The following STOX2 variants were observed in gnomAD, a reference collection of about 807,000 sequenced individuals.
STOX2 encodes the protein storkhead-box protein 2.
Under a neutral mutation model 60.9 loss-of-function variants are expected in STOX2, and 28 were observed. The observed-to-expected ratio is 0.46, with a 90% CI of 0.34 to 0.63. STOX2 has a LOEUF of 0.63. Among genes scored for constraint, STOX2 ranks in the 30% least tolerant of loss-of-function variants. STOX2 has a pLI of 0.01. For synonymous variants in STOX2, 472 were observed against 463.9 expected (o/e 1.02, Z -0.22); for missense variants, 1,024 against 1,187.7 (o/e 0.86, Z 2.03).
chr4:183,809,750 G>A (rs1474186020), intron 1 of STOX2, among the ~76,000 whole-genome samples: 1 of 152,172 alleles, frequency 6.6e-6, no homozygotes, highest in African/African-American at 2.4e-5. Context: ...ACAGAGATTT[G>A]TGTTTTGATT....
rs201999090 is a variant in STOX2 at position 183,847,965 on chromosome 4, AGAG to A, written c.364+49914_364+49916del. Among the ~76,000 whole-genome samples, 817 of 152,248 alleles carry A rather than the reference AGAG, an allele frequency of 5.4e-3. 8 individuals are homozygous for A. The highest frequency in any genetic ancestry group is 0.018 in the African/African-American group (750 of 41,524). Reference sequence around the variant, plus strand: ...TTACCTTTGGTATAAAGAGAACTAGAGAGGAGAGAGGTTGAAGGAGAAGAAATG... The same window carrying A: ...TTACCTTTGGTATAAAGAGAACTAGAGAGAGAGGTTGAAGGAGAAGAAATG... On this transcript the variant is annotated intron_variant, in intron 1 of 2. Transcript: ENST00000513034.
chr4:183,835,879 C>G (rs1211126201), intron 1 of STOX2, among the ~76,000 whole-genome samples: 2 of 152,144 alleles, frequency 1.3e-5, no homozygotes, highest in Admixed American at 1.3e-4. Context: ...TGGGTATACA[C>G]CTAGGAGTGG....
At chr4:183,896,162 T>C (rs1741335180) in intron 1 of STOX2, among the ~76,000 whole-genome samples, 1 of 152,096 alleles carries the variant, frequency 6.6e-6, no homozygotes, top group African/African-American at 2.4e-5. Flanking sequence ...CAGGAGAAAA[T>C]GCGAGAACTT....
intron 1 of STOX2, among the ~76,000 whole-genome samples, chr4:183,993,313 G>A (rs1194121043): frequency 1.3e-5 from 2 of 152,220 alleles, no homozygotes; most frequent in African/African-American, 2.4e-5. Context: ...CAATTAATTC[G>A]TTACTTCACA....
rs1743020975 is a variant in STOX2 at position 183,949,997 on chromosome 4, A to G, written c.166+43041A>G. 2.0e-5 allele frequency among the ~76,000 whole-genome samples: 3 copies of G among 152,204 alleles called. No individual in the cohort carries two copies. In the South Asian group the frequency reaches 6.2e-4, roughly 32 times the overall value. ...CTACTGACAGTTAACACCATGAATT[A>G]AAAGTCATAAAGTTTTCATTTTAGG... On this transcript the variant is annotated intron_variant, in intron 1 of 3. Transcript: ENST00000308497.
At chr4:183,830,390 A>G (rs1489460067) in intron 1 of STOX2, among the ~76,000 whole-genome samples, 7 of 152,172 alleles carry the variant, frequency 4.6e-5, no homozygotes, top group Admixed American at 4.6e-4. Context: ...TATGGGTGTT[A>G]TCTTGTTTTC....
intron 1 of STOX2, among the ~76,000 whole-genome samples, chr4:183,953,110 C>T (rs1743140633): frequency 6.6e-6 from 1 of 151,888 alleles, no homozygotes; most frequent in Non-Finnish European, 1.5e-5. Flanking sequence ...ATGGGTGCAG[C>T]AAACCACCGT....
chr4:183,822,035 T>A (rs1303097957), intron 1 of STOX2, among the ~76,000 whole-genome samples: 1 of 152,358 alleles, frequency 6.6e-6, no homozygotes, highest in Admixed American at 6.5e-5. Context: ...GGATTTGCCC[T>A]CCTGGGCAGG....
chr4:183,998,857 A>C (rs1189697656), intron 1 of STOX2, among the ~76,000 whole-genome samples: 2 of 151,776 alleles, frequency 1.3e-5, no homozygotes, highest in East Asian at 2.0e-4. Flanking sequence ...TAGGTTTTAG[A>C]GTAAGACTTC....
chr4:183,861,496 A>G (rs924711447), intron 1 of STOX2, among the ~76,000 whole-genome samples: 19 of 152,194 alleles, frequency 1.2e-4, no homozygotes, highest in African/African-American at 4.6e-4. Flanking sequence ...TCAAAATACC[A>G]GTTCTGACGT....
chr4:183,894,105 C>G (rs546062223), intron 1 of STOX2, among the ~76,000 whole-genome samples: 90 of 152,344 alleles, frequency 5.9e-4, no homozygotes, highest in Non-Finnish European at 1.1e-3. Context: ...GAGCGGTGAT[C>G]ATGCCACTGC....
intron 1 of STOX2, among the ~76,000 whole-genome samples, chr4:183,913,306 G>GTAA (rs1256058425): frequency 6.6e-6 from 1 of 152,174 alleles, no homozygotes; most frequent in Non-Finnish European, 1.5e-5. Flanking sequence ...TATGGGGTAG[G>GTAA]TAACACATTT....
chr4:183,968,734 A>C lies in STOX2; in HGVS notation c.167-32591A>C, dbSNP rs1743653329. Among the ~76,000 whole-genome samples, 5 of 88,882 alleles carry C rather than the reference A, an allele frequency of 5.6e-5. No homozygotes were observed. The South Asian group carries it at 2.1e-3, about 37-fold the overall frequency. The allele number at this position is 88,882 out of a possible 152,430, so 58.3% of individuals were successfully genotyped here. A position where few individuals can be genotyped will look rare whatever the true frequency, so the allele number is the denominator to read the frequency against. ...CCAGGGGATGTTTTTTTCTTTTCTG[A>C]GAGTAGGTTGGGTTGCGGCAGGGGG... is the stretch of plus-strand genomic sequence containing the variant. On this transcript the variant is annotated intron_variant, in intron 1 of 3. Transcript: ENST00000308497.
At chr4:183,916,647 C>CA (rs1448193750) in intron 1 of STOX2, among the ~76,000 whole-genome samples, 3 of 152,134 alleles carry the variant, frequency 2.0e-5, no homozygotes, top group African/African-American at 7.2e-5. Context: ...TTAAAAGAGC[C>CA]AGCATGGGTA....
chr4:183,963,330 A>C (rs931321811), intron 1 of STOX2, among the ~76,000 whole-genome samples: 1 of 152,278 alleles, frequency 6.6e-6, no homozygotes, highest in East Asian at 1.9e-4. Flanking sequence ...TCATTAATAA[A>C]GTGCCATTAA....
At chr4:183,893,716 C>T (rs748396615) in intron 1 of STOX2, among the ~76,000 whole-genome samples, 1 of 152,040 alleles carries the variant, frequency 6.6e-6, no homozygotes, top group Admixed American at 6.5e-5. Flanking sequence ...TTTCCTGTCT[C>T]CCCACTTAGA....
At position 184,011,060 on chromosome 4, in the gene STOX2, A is replaced by C. The variant is rs779545474; in HGVS notation, c.2222A>C (p.Lys741Thr). The C allele has an allele frequency of 3.1e-6, 5 of 1,611,304 alleles. No individual in the cohort carries two copies. Among genetic ancestry groups the C allele is most frequent in the Non-Finnish European group, 3.4e-6 (4 of 1,178,544 alleles). Residue 741 changes from lysine to threonine, a missense_variant, in exon 3 of 4, where the codon AAA (lysine) becomes ACA (threonine). Physicochemically the swap from Lys to Thr is moderately conservative, Grantham distance 78. Transcript: ENST00000308497. The surrounding 1 kb of genome is among the most constrained non-coding windows in gnomAD (Gnocchi z 4.4). ...GACACATTGCCAGGCCGATGTGAGA[A>C]ACTGGAACCGTCCCTGGGGACCTCG... The part of the protein sequence containing the change: ...PADTLPGRCE[K>T]LEPSLGTSAA...
At chr4:183,833,004 G>T (rs1218959504) in intron 1 of STOX2, among the ~76,000 whole-genome samples, 1 of 152,214 alleles carries the variant, frequency 6.6e-6, no homozygotes, top group East Asian at 1.9e-4. Context: ...AGGAGTATTA[G>T]TCAGCTATTA....
At chr4:183,850,308 T>C (rs1250944877) in intron 1 of STOX2, among the ~76,000 whole-genome samples, 2 of 152,068 alleles carry the variant, frequency 1.3e-5, no homozygotes, top group Admixed American at 1.3e-4. Context: ...TTTATATAGA[T>C]TCTTCAAGGA....
Sources: allele counts gnomAD v4.1 joint callset (sites outside exome capture counted in the v4.1 genomes callset), GRCh38; gene constraint gnomAD v4.1.1; non-coding constraint Gnocchi (gnomAD v3.1); transcripts MANE v1.5; gene names NCBI Gene and HGNC (gene_info 2026-07-23, HGNC 2026-07-21).